The following CUX1 variants were observed in gnomAD, a reference collection of about 807,000 sequenced individuals.
CUX1 encodes protein CASP.
A neutral mutation model predicts 158.8 loss-of-function variants in CUX1; 31 were observed. The observed-to-expected ratio is 0.20, with a 90% confidence interval of 0.15 to 0.26. The LOEUF (loss-of-function observed/expected upper bound fraction) is 0.26, where lower values mean the gene tolerates loss of function less well. Among genes scored for constraint, CUX1 ranks in the 10% least tolerant of loss-of-function variants. CUX1 has a pLI of 1.00. For synonymous variants in CUX1, 879 were observed against 862.1 expected (o/e 1.02, Z -0.34); for missense variants, 1,589 against 2,014.6 (o/e 0.79, Z 4.04).
intron 1 of CUX1, among the ~76,000 whole-genome samples, chr7:101,831,851 C>T (rs539268680): frequency 3.9e-5 from 6 of 152,190 alleles, no homozygotes; most frequent in African/African-American, 1.4e-4. Context: ...AAGCTATCCT[C>T]CCACCTCAGG....
chr7:101,881,118 A>G (rs995971100), intron 1 of CUX1, among the ~76,000 whole-genome samples: 1 of 151,738 alleles, frequency 6.6e-6, no homozygotes, highest in Non-Finnish European at 1.5e-5. Flanking sequence ...GGGAAGAAAG[A>G]AAAAAAAAGG....
At chr7:102,108,736 T>TTGTGTGTGTGTGTGTGTG (rs10527026) in intron 6 of CUX1, among the ~76,000 whole-genome samples, 1,472 of 145,028 alleles carry the variant, frequency 0.01, 23 homozygotes, top group African/African-American at 0.023. Flanking sequence ...TTCATTCATT[T>TTGTGTGTGTGTGTGTGTG]TGTGTGTGTG....
In CUX1 at chr7:102,250,755, C is replaced by T. The variant is rs782550409; in HGVS notation, c.*1713C>T. ...TTCCTCCCTTGTCTATGTGTATATGCGTGAGAATAGAGGCGGGTGAGAGTG... is the reference window on the plus strand; with the variant it reads ...TTCCTCCCTTGTCTATGTGTATATGTGTGAGAATAGAGGCGGGTGAGAGTG... On this transcript the variant is annotated 3_prime_UTR_variant, in exon 24 of 24. Coordinates refer to ENST00000292535, the MANE Select transcript of CUX1 (RefSeq NM_181552.4). 357 of 985,374 alleles carry T rather than the reference C, an allele frequency of 3.6e-4. 1 individual carries two copies. The highest frequency in any genetic ancestry group is 4.1e-4 in the Non-Finnish European group (340 of 829,946). The allele number at this position is 985,374 out of a possible 1,614,324, so 61.0% of individuals were successfully genotyped here. A position where few individuals can be genotyped will look rare whatever the true frequency, so the allele number is the denominator to read the frequency against.
chr7:102,248,473 G>T lies in CUX1; in HGVS notation c.3949G>T (p.Gly1317Cys). The T allele has an allele frequency of 6.3e-7, 1 of 1,594,230 alleles. No homozygotes were observed. The change falls in exon 24 of 24, where the codon GGC becomes TGC. Residue 1317 changes from glycine to cysteine, a missense_variant. Gly to Cys is a radical substitution (Grantham distance 159). Transcript: ENST00000292535. The surrounding 1 kb of genome is among the most constrained non-coding windows in gnomAD (Gnocchi z 5.8). ...EIQAGSQGQA[G>C]ASDSPSARSG... ...TCAGGCCGGGAGTCAGGGCCAGGCG[G>T]GCGCCAGCGACTCACCCTCGGCCCG...
chr7:101,865,504 T>G (rs1298071098), intron 1 of CUX1, among the ~76,000 whole-genome samples: 1 of 152,222 alleles, frequency 6.6e-6, no homozygotes, highest in Admixed American at 6.5e-5. Flanking sequence ...CTCATGCTGT[T>G]AAATGTTTAC....
intron 2 of CUX1, among the ~76,000 whole-genome samples, chr7:101,938,627 T>C (rs1489009655): frequency 6.6e-6 from 1 of 152,122 alleles, no homozygotes; most frequent in Admixed American, 6.6e-5. Flanking sequence ...GAGGACAGGC[T>C]GGGTGCAGTG....
chr7:101,962,585 C>G (rs1810650886), intron 2 of CUX1, among the ~76,000 whole-genome samples: 1 of 152,172 alleles, frequency 6.6e-6, no homozygotes, highest in African/African-American at 2.4e-5. Context: ...CCTGTCGTGT[C>G]TGAAAGGATG....
intron 1 of CUX1, among the ~76,000 whole-genome samples, chr7:101,859,846 C>T (rs746734115): frequency 4.6e-4 from 70 of 151,660 alleles, no homozygotes; most frequent in Non-Finnish European, 8.0e-4. Context: ...TTCTTTGCTT[C>T]TTTCCTTCTT....
chr7:102,120,052 G>A (rs1167794741), intron 8 of CUX1, among the ~76,000 whole-genome samples: 1 of 152,128 alleles, frequency 6.6e-6, no homozygotes, highest in Non-Finnish European at 1.5e-5. Context: ...CTGGAATCAC[G>A]CAGCAGTAGG....
rs1832498765 is a variant in CUX1, at chr7:102,125,250, C to T, written c.674+9977C>T. Among the ~76,000 whole-genome samples the T allele has an allele frequency of 2.0e-5, 3 of 152,184 alleles. No homozygotes were observed. The South Asian group carries it at 6.2e-4, about 31-fold the overall frequency. On this transcript the variant is annotated intron_variant, in intron 8 of 23. Transcript: ENST00000292535. ...GCTGAACGGCCTCTGTAGCGTTCAG[C>T]CTGCAGCCTGCCCAATGAGGACGTT...
intron 9 of CUX1, among the ~76,000 whole-genome samples, chr7:102,166,696 C>G (rs1554508921): frequency 1.3e-5 from 2 of 152,242 alleles, no homozygotes; most frequent in African/African-American, 4.8e-5. Flanking sequence ...CTGTTCCTTC[C>G]TTTCACTGCC....
chr7:102,149,324 G>A (rs782658664), intron 8 of CUX1, among the ~76,000 whole-genome samples: 22 of 152,106 alleles, frequency 1.4e-4, no homozygotes, highest in African/African-American at 1.9e-4. Context: ...CACTTTCTGG[G>A]ATGTCACTGT....
At position 102,248,651 on chromosome 7, in the gene CUX1, C is replaced by T. The variant is rs782490639; in HGVS notation, c.4127C>T (p.Pro1376Leu). 3.6e-6 allele frequency: 5 copies of T among 1,370,032 alleles called. No homozygotes were observed. The highest frequency in any genetic ancestry group is 4.7e-6 in the Non-Finnish European group (5 of 1,064,516). 84.9% of individuals were successfully genotyped at this position (1,370,032 alleles called of 1,614,324 possible). A position where few individuals can be genotyped will look rare whatever the true frequency, so the allele number is the denominator to read the frequency against. Reference protein sequence around the residue: ...VPRPAEQTEPPPSGTPGPDDA... With the variant: ...VPRPAEQTEPLPSGTPGPDDA... ...CGGCCGGCGGAGCAGACGGAGCCGC[C>T]GCCCTCGGGGACCCCGGGCCCGGAC... Residue 1376 changes from proline (P) to leucine (L), a missense_variant, in exon 24 of 24, where the codon CCG becomes CTG. Around this residue, in one of 8 missense-constraint regions of CUX1, gnomAD observed 344 missense variants for 323.7 expected, o/e 1.06. Coordinates refer to ENST00000292535, the MANE Select transcript of CUX1 (RefSeq NM_181552.4). The surrounding 1 kb of genome is among the most constrained non-coding windows in gnomAD (Gnocchi z 5.8).
chr7:102,135,998 C>T lies in CUX1; in HGVS notation c.674+20725C>T, dbSNP rs188798123. On this transcript the variant is annotated intron_variant, in intron 8 of 23. Coordinates refer to ENST00000292535, the MANE Select transcript of CUX1 (RefSeq NM_181552.4). ...CAAAAAAAAAAGAAAATGGTTTTTT[C>T]TCCTCAATCCATTTTCTTATTTTTC... Among the ~76,000 whole-genome samples the T allele has an allele frequency of 1.8e-3, 280 of 151,738 alleles. 1 individual carries two copies. Among genetic ancestry groups the T allele is most frequent in the African/African-American group, 6.4e-3 (265 of 41,428 alleles).
chr7:102,073,901 A>G (rs1826418895), intron 4 of CUX1, among the ~76,000 whole-genome samples: 1 of 152,222 alleles, frequency 6.6e-6, no homozygotes, highest in Admixed American at 6.5e-5. Context: ...CTGTAATACT[A>G]AAAGTCAATC....
At chr7:102,261,630 A>G (rs1372145778), downstream of CUX1, among the ~76,000 whole-genome samples, 1 of 151,144 alleles carries the variant, frequency 6.6e-6, no homozygotes, top group African/African-American at 2.4e-5. Context: ...TTTGAGGACA[A>G]CCCTCCCATT....
intron 14 of CUX1, among the ~76,000 whole-genome samples, chr7:102,268,524 C>G (rs1790973171): frequency 6.6e-6 from 1 of 152,170 alleles, no homozygotes; most frequent in South Asian, 2.1e-4. Flanking sequence ...TGGATCACCC[C>G]CTGAAGCTCT....
Position 102,081,854 on chromosome 7 carries a change from G to T in CUX1, c.268+11437G>T, listed in dbSNP as rs1827452949. Reference sequence around the variant, plus strand: ...TTGGCCAAGCTGATCTCGATCTCCTGACCTCGGGTGATGCGTCCGCCTCCG... The same window carrying T: ...TTGGCCAAGCTGATCTCGATCTCCTTACCTCGGGTGATGCGTCCGCCTCCG... On this transcript the variant is annotated intron_variant, in intron 4 of 23. Coordinates refer to ENST00000292535, the MANE Select transcript of CUX1 (RefSeq NM_181552.4). Among the ~76,000 whole-genome samples the T allele has an allele frequency of 1.4e-5, 2 of 146,454 alleles. 1 individual carries two copies. Among genetic ancestry groups the T allele is most frequent in the African/African-American group, 4.9e-5 (2 of 41,032 alleles).
At chr7:101,893,020 C>T (rs1224745441) in intron 1 of CUX1, among the ~76,000 whole-genome samples, 2 of 151,884 alleles carry the variant, frequency 1.3e-5, no homozygotes, top group Non-Finnish European at 2.9e-5. Flanking sequence ...AGAGAAATAC[C>T]GTCTTCTTGT....
Sources: allele counts gnomAD v4.1 joint callset (sites outside exome capture counted in the v4.1 genomes callset), GRCh38; gene constraint gnomAD v4.1.1; regional missense constraint gnomAD v4.1.1; non-coding constraint Gnocchi (gnomAD v3.1); transcripts MANE v1.5; gene names NCBI Gene and HGNC (gene_info 2026-07-23, HGNC 2026-07-21).